Variants in IQGAP2 observed in about 807,000 individuals in gnomAD.
IQGAP2 encodes the protein IQ motif containing GTPase activating protein 2.
IQGAP2 carries 173 observed loss-of-function variants against 201.3 expected under a neutral mutation model. That is an observed-to-expected ratio of 0.86 (90% CI 0.76 to 0.98). The LOEUF is 0.98. Ranked by LOEUF, IQGAP2 falls within the 50% of genes least tolerant of loss-of-function variation. The probability of loss-of-function intolerance (pLI) is 0.00; values close to 1 mark genes in which losing one functional copy is unlikely to be tolerated. For synonymous variants in IQGAP2, 675 were observed against 673.9 expected (o/e 1.00, Z -0.03); for missense variants, 1,687 against 1,864.8 (o/e 0.90, Z 1.76).
At chr5:76,506,059 T>C (rs576412981) in intron 2 of IQGAP2, among the ~76,000 whole-genome samples, 1 of 152,336 alleles carries the variant, frequency 6.6e-6, no homozygotes, top group South Asian at 2.1e-4. Flanking sequence ...GAAATCTGTT[T>C]ACACTACCAT....
intron 17 of IQGAP2, among the ~76,000 whole-genome samples, chr5:76,652,527 T>C (rs139670730): frequency 3.3e-5 from 5 of 152,326 alleles, no homozygotes; most frequent in African/African-American, 1.2e-4. Context: ...TTATCACCCT[T>C]ACTCTGCTGT....
intron 2 of IQGAP2, among the ~76,000 whole-genome samples, chr5:76,471,751 A>C (rs1755125061): frequency 6.6e-6 from 1 of 152,186 alleles, no homozygotes; most frequent in African/African-American, 2.4e-5. Context: ...TACTTTAGAG[A>C]ATCCAGTGGA....
At chr5:76,409,525 G>A (rs1750993285) in intron 1 of IQGAP2, among the ~76,000 whole-genome samples, 1 of 151,992 alleles carries the variant, frequency 6.6e-6, no homozygotes, top group Admixed American at 6.6e-5. Context: ...GGTATTACAG[G>A]CATGAGCCAC....
intron 2 of IQGAP2, among the ~76,000 whole-genome samples, chr5:76,495,192 G>C (rs1483339401): frequency 1.3e-5 from 2 of 152,148 alleles, no homozygotes; most frequent in Non-Finnish European, 2.9e-5. Flanking sequence ...CTCAGGGTGA[G>C]TACAGTAATG....
intron 5 of IQGAP2, among the ~76,000 whole-genome samples, chr5:76,587,790 A>G (rs1186824501): frequency 2.6e-5 from 4 of 151,774 alleles, no homozygotes; most frequent in Non-Finnish European, 4.4e-5. Context: ...AAAAAAAAAT[A>G]CAAAAAGTAG....
At chr5:76,680,000 C>G (rs528704063) in intron 28 of IQGAP2, among the ~76,000 whole-genome samples, 2 of 152,198 alleles carry the variant, frequency 1.3e-5, no homozygotes, top group Non-Finnish European at 2.9e-5. Context: ...GGTGTGTTCT[C>G]TCTTTGTTAA....
intron 1 of IQGAP2, among the ~76,000 whole-genome samples, chr5:76,410,096 G>T (rs900878632): frequency 1.3e-5 from 2 of 152,226 alleles, no homozygotes; most frequent in Non-Finnish European, 2.9e-5. Context: ...CCGCTTAGCT[G>T]CTGACAGCTT....
chr5:76,551,105 C>T (rs1375927746), intron 2 of IQGAP2, among the ~76,000 whole-genome samples: 45 of 147,142 alleles, frequency 3.1e-4, no homozygotes, highest in African/African-American at 9.4e-4. Flanking sequence ...GGCTGCGGGG[C>T]GGAGGGGCTC....
intron 22 of IQGAP2, among the ~76,000 whole-genome samples, chr5:76,666,769 G>C (rs957910437): frequency 1.3e-5 from 2 of 152,144 alleles, no homozygotes; most frequent in South Asian, 4.1e-4. Context: ...GTAGAGACAA[G>C]ATGTCACTCT....
chr5:76,627,816 C>T (rs1354555674), intron 14 of IQGAP2, among the ~76,000 whole-genome samples: 1 of 152,050 alleles, frequency 6.6e-6, no homozygotes, highest in East Asian at 1.9e-4. Flanking sequence ...TAATAAATGC[C>T]TTTTTCTCCT....
At position 76,403,583 on chromosome 5, in the gene IQGAP2, G is replaced by A. The variant is rs754088569; in HGVS notation, c.38G>A (p.Arg13His). ...HEELPSLQRP[R>H]YGSIVDDERL... ...GAGCTGCCGTCGCTGCAGAGACCCC[G>A]CTATGGCTGTAAGTGCGCCGGGCGC... Residue 13 changes from arginine to histidine, a missense_variant, in exon 1 of 36, where the codon CGC (arginine) becomes CAC (histidine). Physicochemically the swap from Arg to His is conservative, Grantham distance 29. Coordinates refer to ENST00000274364, the MANE Select transcript of IQGAP2 (RefSeq NM_006633.5). This position sits in a 1 kb window ranked among gnomAD's most constrained non-coding sequence, Gnocchi z 4.8. The A allele has an allele frequency of 7.7e-5, 118 of 1,541,266 alleles. No individual in the cohort carries two copies. The highest frequency in any genetic ancestry group is 9.9e-5 in the Non-Finnish European group (114 of 1,148,884).
At chr5:76,512,469 ATTG>A (rs1758028279) in intron 2 of IQGAP2, among the ~76,000 whole-genome samples, 1 of 152,162 alleles carries the variant, frequency 6.6e-6, no homozygotes, top group Non-Finnish European at 1.5e-5. Flanking sequence ...AAACCTTTTA[ATTG>A]CTTTCTCTAT....
intron 2 of IQGAP2, among the ~76,000 whole-genome samples, chr5:76,469,669 G>T (rs1392581902): frequency 1.3e-5 from 2 of 152,126 alleles, no homozygotes; most frequent in Non-Finnish European, 2.9e-5. Flanking sequence ...CTCCAAAAGT[G>T]CTGGGATTAC....
chr5:76,546,012 C>T (rs1743073388), intron 2 of IQGAP2, among the ~76,000 whole-genome samples: 1 of 152,040 alleles, frequency 6.6e-6, no homozygotes, highest in Non-Finnish European at 1.5e-5. Flanking sequence ...TTTTCTTAAG[C>T]CAGAACAGAT....
At chr5:76,572,529 G>A (rs1027983761) in intron 4 of IQGAP2, among the ~76,000 whole-genome samples, 2 of 151,924 alleles carry the variant, frequency 1.3e-5, no homozygotes, top group Admixed American at 6.6e-5. Context: ...ATAGTATGTA[G>A]GATAACCCCC....
At position 76,673,600 on chromosome 5, in the gene IQGAP2, C is replaced by T. The variant is rs376972975; in HGVS notation, c.3209+11C>T. On this transcript the variant is annotated intron_variant, in intron 25 of 35. Transcript: ENST00000274364. ...CCTTGATCTACTGCCGTAAGTTGTA[C>T]TTGCAGCAAGTTTAACATTCTTTCC... 4.1e-5 allele frequency: 66 copies of T among 1,612,722 alleles called. No homozygotes were observed. The African/African-American group carries it at 8.1e-4, about 20-fold the overall frequency.
At chr5:76,449,810 G>A (rs1326652514) in intron 1 of IQGAP2, among the ~76,000 whole-genome samples, 2 of 152,190 alleles carry the variant, frequency 1.3e-5, no homozygotes, top group African/African-American at 4.8e-5. Flanking sequence ...GTCTGCAGCT[G>A]ACATGTGGCA....
chr5:76,641,150 T>G (rs1489402231), intron 17 of IQGAP2, 47 bp downstream of exon 17: 2 of 1,396,770 alleles, frequency 1.4e-6, no homozygotes, highest in Non-Finnish European at 2.0e-6. Context: ...TCATATCACC[T>G]GAAAATGTTT....
intron 2 of IQGAP2, among the ~76,000 whole-genome samples, chr5:76,520,725 A>G (rs1273433698): frequency 7.9e-6 from 1 of 126,374 alleles, no homozygotes; most frequent in Non-Finnish European, 1.7e-5. Context: ...TTTTTTTGAA[A>G]CGGAGTCTCA....
Sources: allele counts gnomAD v4.1 joint callset (sites outside exome capture counted in the v4.1 genomes callset), GRCh38; gene constraint gnomAD v4.1.1; non-coding constraint Gnocchi (gnomAD v3.1); transcripts MANE v1.5; gene names NCBI Gene and HGNC (gene_info 2026-07-23, HGNC 2026-07-21).